The following GLRA2 variants were observed in gnomAD, a reference collection of about 807,000 sequenced individuals.
The protein encoded by GLRA2 is glycine receptor alpha 2.
In GLRA2, 11 loss-of-function variants were observed where a neutral mutation model predicts 31.6. The ratio of observed to expected loss-of-function variants is 0.35; its 90% CI spans 0.22 to 0.58. GLRA2 has a LOEUF of 0.58. GLRA2 is among the 20% of genes least tolerant of loss of function. The pLI, the probability that GLRA2 is intolerant of heterozygous loss-of-function variation, is 0.84. For synonymous variants in GLRA2, 132 were observed against 134.0 expected, an observed-to-expected ratio of 0.99 and a Z score of 0.10; for missense variants, 212 against 351.8, an observed-to-expected ratio of 0.60 and a Z score of 3.18.
chrX:14,687,372 T>A (rs1346388744), intron 7 of GLRA2, among the ~76,000 whole-genome samples: 5 of 112,213 alleles, frequency 4.5e-5, no homozygotes, highest in Non-Finnish European at 9.4e-5. Context: ...TTGGGGATGT[T>A]TTCCTGGATA....
At chrX:14,522,294 G>T in the GLRA2 span, among the ~76,000 whole-genome samples, 1 of 112,114 alleles carries the variant, frequency 8.9e-6, no homozygotes, top group African/African-American at 3.2e-5. Context: ...TTTAAGTTTT[G>T]TCATGGGTTT....
At chrX:14,449,604 T>C in the GLRA2 span, among the ~76,000 whole-genome samples, 1,058 of 111,931 alleles carry the variant, frequency 9.5e-3, 3 homozygotes, top group Non-Finnish European at 0.016. Context: ...TTGCCTGCCA[T>C]CCCCTCCCAA....
At chrX:14,709,187 T>C (rs906193444) in intron 8 of GLRA2, among the ~76,000 whole-genome samples, 2 of 110,946 alleles carry the variant, frequency 1.8e-5, no homozygotes, top group Non-Finnish European at 3.8e-5. Context: ...TGAGCTATGA[T>C]CACGGCACTG....
intron 7 of GLRA2, among the ~76,000 whole-genome samples, chrX:14,630,863 G>A (rs973917992): frequency 1.0e-4 from 11 of 106,551 alleles, no homozygotes; most frequent in African/African-American, 3.8e-4. Flanking sequence ...ACGTGTGGGC[G>A]GTCTCTGCTT....
chrX:14,467,347 G>T, the GLRA2 span, among the ~76,000 whole-genome samples: 40 of 112,039 alleles, frequency 3.6e-4, no homozygotes, highest in Middle Eastern at 4.6e-3. Context: ...GTAGTACTAT[G>T]TGGGACCTGA....
chrX:14,538,248 G>A (rs1404979787), intron 2 of GLRA2, among the ~76,000 whole-genome samples: 1 of 111,030 alleles, frequency 9.0e-6, no homozygotes, highest in Non-Finnish European at 1.9e-5. Flanking sequence ...TCACCTATCT[G>A]TGCCTCAGGT....
At chrX:14,632,376 A>G (rs910763886) in intron 7 of GLRA2, among the ~76,000 whole-genome samples, 6 of 111,319 alleles carry the variant, frequency 5.4e-5, no homozygotes, top group Non-Finnish European at 1.1e-4. Context: ...GAATGTGACA[A>G]TGTAGATAAT....
the GLRA2 span, among the ~76,000 whole-genome samples, chrX:14,466,695 T>C: frequency 8.9e-6 from 1 of 112,045 alleles, no homozygotes; most frequent in South Asian, 3.7e-4. Context: ...ATAATGGCCT[T>C]ATCAAATAAG....
chrX:14,607,328 T>A, intron 6 of GLRA2, 60 bp downstream of exon 6: 4 of 924,914 alleles, frequency 4.3e-6, no homozygotes, highest in Non-Finnish European at 6.1e-6. Flanking sequence ...ATTTGCAGTT[T>A]GGAGTATACA....
chrX:14,513,761 A>C, the GLRA2 span, among the ~76,000 whole-genome samples: 4 of 111,709 alleles, frequency 3.6e-5, no homozygotes, highest in Non-Finnish European at 3.8e-5. Context: ...AAAATCAAAA[A>C]ATAATAGATG....
At chrX:14,563,260 T>C (rs867582575) in intron 2 of GLRA2, among the ~76,000 whole-genome samples, 8 of 112,363 alleles carry the variant, frequency 7.1e-5, no homozygotes, top group African/African-American at 2.6e-4. Flanking sequence ...GGGAGAGTTA[T>C]GTTTTGTTTG....
At chrX:14,491,274 T>A in the GLRA2 span, among the ~76,000 whole-genome samples, 1 of 111,898 alleles carries the variant, frequency 8.9e-6, no homozygotes, top group South Asian at 3.7e-4. Context: ...TATTTTTACC[T>A]ACACTTCATA....
intron 4 of GLRA2, among the ~76,000 whole-genome samples, chrX:14,589,658 G>A (rs1390399262): frequency 3.0e-5 from 3 of 99,377 alleles, no homozygotes; most frequent in Non-Finnish European, 6.2e-5. Flanking sequence ...GCAACAGAGC[G>A]AGACTCTATC....
intron 7 of GLRA2, among the ~76,000 whole-genome samples, chrX:14,677,778 C>G (rs111414409): frequency 2.7e-5 from 3 of 112,222 alleles, no homozygotes; most frequent in African/African-American, 9.7e-5. Flanking sequence ...ATGGAACAAC[C>G]AAAAACATCT....
At chrX:14,454,302 A>T in the GLRA2 span, among the ~76,000 whole-genome samples, 1 of 110,920 alleles carries the variant, frequency 9.0e-6, no homozygotes, top group African/African-American at 3.3e-5. Flanking sequence ...AGTCTGGTTG[A>T]GATGTTGTAC....
intron 6 of GLRA2, among the ~76,000 whole-genome samples, chrX:14,608,326 C>T (rs759494243): frequency 1.8e-5 from 2 of 111,383 alleles, no homozygotes; most frequent in East Asian, 2.8e-4. Context: ...AAACACTGTA[C>T]GTAGTTCCTA....
chrX:14,730,316 T>A lies in GLRA2; in HGVS notation c.1190T>A (p.Leu397His). 1 of 1,210,181 alleles carries A rather than the reference T, an allele frequency of 8.3e-7. No individual in the cohort carries two copies. The highest frequency in any genetic ancestry group is 1.1e-6 in the Non-Finnish European group (1 of 894,725). The change falls in exon 9 of 9, where the codon CTC becomes CAC. Residue 397 changes from leucine to histidine, a missense_variant. Physicochemically the swap from Leu to His is moderately conservative, Grantham distance 99. Transcript: ENST00000218075. Reference sequence around the variant, plus strand: ...GTCAAGGCCACACCTGCCAACCCACTCCCACAACCGCCAAAAGATGGAGAT... The same window carrying A: ...GTCAAGGCCACACCTGCCAACCCACACCCACAACCGCCAAAAGATGGAGAT... ...TAVKATPANP[L>H]PQPPKDGDAI...
chrX:14,686,600 G>C (rs894440611), intron 7 of GLRA2, among the ~76,000 whole-genome samples: 3 of 110,876 alleles, frequency 2.7e-5, no homozygotes, highest in Non-Finnish European at 5.7e-5. Flanking sequence ...ATCTTTGTTG[G>C]TTTAAAGTCT....
chrX:14,476,139 G>T, the GLRA2 span, among the ~76,000 whole-genome samples: 1 of 111,674 alleles, frequency 9.0e-6, no homozygotes, highest in Non-Finnish European at 1.9e-5. Context: ...CTTCTCCAAG[G>T]ACCACGCTTA....
Sources: allele counts gnomAD v4.1 joint callset (sites outside exome capture counted in the v4.1 genomes callset), GRCh38; gene constraint gnomAD v4.1.1; transcripts MANE v1.5; gene names NCBI Gene and HGNC (gene_info 2026-07-23, HGNC 2026-07-21).